The following CFHR4 variants were observed in gnomAD, a reference collection of about 807,000 sequenced individuals.
CFHR4 encodes complement factor H related 4.
CFHR4 carries 64 observed loss-of-function variants against 69.3 expected under a neutral mutation model. The ratio of observed to expected loss-of-function variants is 0.92; its 90% confidence interval spans 0.76 to 1.14. The LOEUF (loss-of-function observed/expected upper bound fraction) is 1.14, where lower values mean the gene tolerates loss of function less well. Among genes scored for constraint, CFHR4 ranks in the 50% most tolerant of loss-of-function variants. CFHR4 has a pLI of 0.00. For missense variants in CFHR4, 636 were observed against 684.9 expected, an observed-to-expected ratio of 0.93 and a Z score of 0.80; for synonymous variants, 244 against 237.0, an observed-to-expected ratio of 1.03 and a Z score of -0.27.
chr1:196,891,724 AAAATTATAAAGAAACAT>A (rs1291111855), intron 1 of CFHR4, among the ~76,000 whole-genome samples: 1 of 151,582 alleles, frequency 6.6e-6, no homozygotes, highest in East Asian at 1.9e-4. Flanking sequence ...AACTTGTTTC[AAAATTATAAAGAAACAT>A]AAATTATTTG....
At chr1:196,913,892 C>A (rs2124972660) in intron 7 of CFHR4, among the ~76,000 whole-genome samples, 1 of 151,420 alleles carries the variant, frequency 6.6e-6, no homozygotes, top group East Asian at 1.9e-4. Flanking sequence ...GGGGCTATAT[C>A]AATTCCTACA....
At chr1:196,893,222 G>A (rs1475726037) in intron 1 of CFHR4, among the ~76,000 whole-genome samples, 1 of 151,704 alleles carries the variant, frequency 6.6e-6, no homozygotes, top group Non-Finnish European at 1.5e-5. Flanking sequence ...CATGCAAAAA[G>A]ATAGAGTTAT....
chr1:196,902,410 A>G lies in CFHR4; in HGVS notation c.59-8A>G. The G allele has an allele frequency of 6.3e-7, 1 of 1,577,110 alleles. No homozygotes were observed. Among genetic ancestry groups the G allele is most frequent in the Non-Finnish European group, 8.6e-7 (1 of 1,159,204 alleles). On this transcript the variant is annotated splice_polypyrimidine_tract_variant and splice_region_variant and intron_variant, in intron 1 of 9. Coordinates refer to ENST00000608469, the MANE Select transcript of CFHR4 (RefSeq NM_001201550.3). ...TTATTTATACTGTTTTTTGTTTTTT[A>G]TTACAAGAAGTGAAACCTTGTGATT...
chr1:196,907,384 G>T lies in CFHR4; in HGVS notation c.685G>T (p.Val229Leu). The change falls in exon 5 of 10, where the codon GTG (valine) becomes TTG (leucine). Residue 229 changes from valine (V) to leucine (L), a missense_variant. This residue lies in a region of CFHR4 where 529 missense variants were observed against 533.2 expected (regional missense o/e 0.99). Coordinates refer to ENST00000608469, the MANE Select transcript of CFHR4 (RefSeq NM_001201550.3). ...NGDTTSFPQK[V>L]YLPWSRVEYQ... The stretch of plus-strand genomic sequence containing the variant: ...AGATACCACGTCCTTCCCGCAAAAA[G>T]TGTATCTGCCATGGTCAAGAGTCGA... The T allele has an allele frequency of 6.2e-7, 1 of 1,611,994 alleles. No individual in the cohort carries two copies. The highest frequency in any genetic ancestry group is 1.1e-5 in the South Asian group (1 of 91,008).
rs1235296778 is a variant in CFHR4, at chr1:196,918,390, AC to A, written c.1725del (p.Arg576AspfsTer10). ...QAVCREGIVEYPRCE is the reference protein window; with the variant it reads ...QAVCREGIVEXPRCE ...GTGTGTAGGGAAGGCATAGTGGAAT[AC>A]CCCAGATGCGAATAAGGCAGCATTG... On this transcript the variant is annotated frameshift_variant, in exon 10 of 10. Transcript: ENST00000608469. LOFTEE classifies it high-confidence loss of function. 6.2e-7 allele frequency: 1 copy of A among 1,611,538 alleles called. No homozygotes were observed. The highest frequency in any genetic ancestry group is 8.5e-7 in the Non-Finnish European group (1 of 1,178,862).
intron 7 of CFHR4, among the ~76,000 whole-genome samples, chr1:196,914,019 A>T (rs1658431610): frequency 6.6e-6 from 1 of 151,504 alleles, no homozygotes; most frequent in Non-Finnish European, 1.5e-5. Flanking sequence ...CTTGTAAAAT[A>T]AAAGACAGGA....
At chr1:196,904,938 C>G (rs193137584) in intron 2 of CFHR4, among the ~76,000 whole-genome samples, 170 bp from the exon 3 acceptor site, 1 of 151,572 alleles carries the variant, frequency 6.6e-6, no homozygotes, top group Non-Finnish European at 1.5e-5. Context: ...TGTGTTTTCA[C>G]TATTTTCTTT....
In CFHR4 at chr1:196,907,577, G is replaced by C. The variant is rs537803099; in HGVS notation, c.799+79G>C. 418 of 1,202,938 alleles carry C rather than the reference G, an allele frequency of 3.5e-4. 11 individuals are homozygous for C. In the African/African-American group the frequency reaches 5.5e-3, roughly 16 times the overall value. 74.5% of individuals were successfully genotyped at this position (1,202,938 alleles called of 1,614,324 possible). A position where few individuals can be genotyped will look rare whatever the true frequency, so the allele number is the denominator to read the frequency against. On this transcript the variant is annotated intron_variant, in intron 5 of 9. Coordinates refer to ENST00000608469, the MANE Select transcript of CFHR4 (RefSeq NM_001201550.3). ...TGTTTATTTATACTAAAATTTTTAT[G>C]GGTTATTACCCTAGAACTGTGTTCA... is the stretch of plus-strand genomic sequence containing the variant.
rs149959133 is a variant in CFHR4, at chr1:196,906,826, A to C, written c.440-35A>C. 1.1e-3 allele frequency: 1,686 copies of C among 1,587,458 alleles called. 71 individuals carry two copies. The African/African-American group carries it at 0.021, about 20-fold the overall frequency. ...TTAGTCGAGTTGTACATCATATGGC[A>C]TAGAAAAGCAATCCTCAATTTTATT... On this transcript the variant is annotated intron_variant, in intron 3 of 9. Transcript: ENST00000608469.
At chr1:196,902,277 GATT>G (rs1657656794) in intron 1 of CFHR4, 138 bp from the exon 2 acceptor site, 2 of 631,254 alleles carry the variant, frequency 3.2e-6, no homozygotes, top group African/African-American at 3.7e-5. Context: ...TAGGTCATTG[GATT>G]TCTGTAACTT....
Position 196,907,427 on chromosome 1 carries a change from A to T in CFHR4, c.728A>T (p.Tyr243Phe). Residue 243 changes from tyrosine to phenylalanine, a missense_variant, in exon 5 of 10, where the codon TAC (tyrosine) becomes TTC (phenylalanine). Tyr to Phe is a conservative substitution (Grantham distance 22). Coordinates refer to ENST00000608469, the MANE Select transcript of CFHR4 (RefSeq NM_001201550.3). ...AGAGTCGAGTACCAGTGCCAGTCCT[A>T]CTATGAACTTCAGGGTTCTAAATAT... The part of the protein sequence containing the change: ...WSRVEYQCQS[Y>F]YELQGSKYVT... 6.2e-7 allele frequency: 1 copy of T among 1,612,198 alleles called. No homozygotes were observed. Among genetic ancestry groups the T allele is most frequent in the Non-Finnish European group, 8.5e-7 (1 of 1,179,154 alleles).
intron 8 of CFHR4, 78 bp downstream of exon 8, chr1:196,914,749 G>C (rs1658491730): frequency 7.2e-7 from 1 of 1,383,200 alleles, no homozygotes. Flanking sequence ...GTACACATAT[G>C]TGTGTACATA....
intron 8 of CFHR4, 105 bp downstream of exon 8, chr1:196,914,776 T>A: frequency 7.1e-7 from 1 of 1,407,612 alleles, no homozygotes; most frequent in South Asian, 1.5e-5. Flanking sequence ...CATATATATG[T>A]AGTCCTCCTA....
At chr1:196,913,036 T>C (rs1658365960) in intron 7 of CFHR4, 114 bp downstream of exon 7, 1 of 1,557,456 alleles carries the variant, frequency 6.4e-7, no homozygotes, top group Non-Finnish European at 8.7e-7. Flanking sequence ...GAGATACAAA[T>C]ACTTCTAAAA....
At position 196,918,530 on chromosome 1, in the gene CFHR4, A is replaced by G. The variant is rs1254432305; in HGVS notation, c.*124A>G. 1 of 1,009,680 alleles carries G rather than the reference A, an allele frequency of 9.9e-7. No individual in the cohort carries two copies. Among genetic ancestry groups the G allele is most frequent in the East Asian group, 2.7e-5 (1 of 36,916 alleles). 62.5% of individuals were successfully genotyped at this position (1,009,680 alleles called of 1,614,324 possible). A position where few individuals can be genotyped will look rare whatever the true frequency, so the allele number is the denominator to read the frequency against. On this transcript the variant is annotated 3_prime_UTR_variant, in exon 10 of 10. Transcript: ENST00000608469. The stretch of plus-strand genomic sequence containing the variant: ...CTTTATTTCAAAGAAAATTAATATA[A>G]TAGTTTCAATTTGCAACTTAATATG...
chr1:196,904,196 C>G lies in CFHR4; in HGVS notation c.257-912C>G, dbSNP rs1388099631. 2.0e-5 allele frequency among the ~76,000 whole-genome samples: 3 copies of G among 151,416 alleles called. 1 individual carries two copies. The highest frequency in any genetic ancestry group is 7.3e-5 in the African/African-American group (3 of 41,050). On this transcript the variant is annotated intron_variant, in intron 2 of 9. Transcript: ENST00000608469. Reference sequence around the variant, plus strand: ...ACAAATATTGTTGTGTGTCAAGTGCCTTTATAGGTATCGAAAATAAAATTG... The same window carrying G: ...ACAAATATTGTTGTGTGTCAAGTGCGTTTATAGGTATCGAAAATAAAATTG...
At chr1:196,893,584 C>A (rs1657141323) in intron 1 of CFHR4, among the ~76,000 whole-genome samples, 2 of 151,554 alleles carry the variant, frequency 1.3e-5, no homozygotes, top group Non-Finnish European at 2.9e-5. Context: ...CTTAAGCTCA[C>A]AAGCAGTTCC....
At chr1:196,912,659 T>C in intron 6 of CFHR4, 81 bp from the exon 7 acceptor site, 1 of 1,388,774 alleles carries the variant, frequency 7.2e-7, no homozygotes, top group East Asian at 2.5e-5. Flanking sequence ...TTTTGCCATA[T>C]TGCCATGTTT....
chr1:196,914,052 C>T lies in CFHR4; in HGVS notation c.1181-443C>T, dbSNP rs537153068. On this transcript the variant is annotated intron_variant, in intron 7 of 9. Coordinates refer to ENST00000608469, the MANE Select transcript of CFHR4 (RefSeq NM_001201550.3). ...GGATGCTTCATAAATTTTTATAGAA[C>T]TTATATCCAATTAATATAATTTTTA... is the stretch of plus-strand genomic sequence containing the variant. Among the ~76,000 whole-genome samples, 119 of 151,442 alleles carry T rather than the reference C, an allele frequency of 7.9e-4. 5 individuals carry two copies. In the East Asian group the frequency reaches 0.021, roughly 27 times the overall value.
Sources: allele counts gnomAD v4.1 joint callset (sites outside exome capture counted in the v4.1 genomes callset), GRCh38; gene constraint gnomAD v4.1.1; regional missense constraint gnomAD v4.1.1; transcripts MANE v1.5; gene names NCBI Gene and HGNC (gene_info 2026-07-23, HGNC 2026-07-21).